The following SHANK2 variants were observed in gnomAD, a reference collection of about 807,000 sequenced individuals.
SHANK2 encodes the protein SH3 and multiple ankyrin repeat domains 2, also known as SH3 and multiple ankyrin repeat domains protein 2.
Under a neutral mutation model 133.7 loss-of-function variants are expected in SHANK2, and 43 were observed. That is an observed-to-expected ratio of 0.32 (90% CI 0.25 to 0.41). SHANK2 has a LOEUF of 0.41. Among genes scored for constraint, SHANK2 ranks in the 10% least tolerant of loss-of-function variants. The probability of loss-of-function intolerance (pLI) is 1.00; values close to 1 mark genes in which losing one functional copy is unlikely to be tolerated. For synonymous variants in SHANK2, 1,017 were observed against 952.8 expected, an observed-to-expected ratio of 1.07 and a Z score of -1.24; for missense variants, 1,994 against 2,235.8, an observed-to-expected ratio of 0.89 and a Z score of 2.18.
At chr11:71,222,875 C>T (rs1399645373) in intron 2 of SHANK2, among the ~76,000 whole-genome samples, 1 of 152,234 alleles carries the variant, frequency 6.6e-6, no homozygotes, top group Non-Finnish European at 1.5e-5. Context: ...AGTGCTTCTG[C>T]ACAAGGGACA....
At position 70,633,182 on chromosome 11, in the gene SHANK2, C is replaced by T. The variant is rs139420583; in HGVS notation, c.2061+26646G>A. ...ACATATTTATACATATATTCATATACGTAACATAAATGTTATATTTTTATA... is the reference window on the plus strand; with the variant it reads ...ACATATTTATACATATATTCATATATGTAACATAAATGTTATATTTTTATA... On this transcript the variant is annotated intron_variant, in intron 17 of 25. Coordinates refer to ENST00000601538, the MANE Select transcript of SHANK2 (RefSeq NM_012309.5). Among the ~76,000 whole-genome samples the T allele has an allele frequency of 1.6e-4, 24 of 147,892 alleles. No homozygotes were observed. In the East Asian group the frequency reaches 4.1e-3, roughly 25 times the overall value.
At chr11:71,187,893 C>T (rs189936290) in intron 2 of SHANK2, among the ~76,000 whole-genome samples, 92 of 152,324 alleles carry the variant, frequency 6.0e-4, no homozygotes, top group African/African-American at 1.9e-3. Context: ...CCTCCCACAA[C>T]GCAACGTGCT....
At chr11:71,233,230 C>A (rs1371939343) in intron 1 of SHANK2, among the ~76,000 whole-genome samples, 1 of 152,080 alleles carries the variant, frequency 6.6e-6, no homozygotes, top group East Asian at 1.9e-4. Flanking sequence ...CATCCCTAAG[C>A]TGAGGAATGC....
chr11:70,829,338 T>C (rs1490565814), intron 11 of SHANK2, among the ~76,000 whole-genome samples: 1 of 152,090 alleles, frequency 6.6e-6, no homozygotes, highest in Non-Finnish European at 1.5e-5. Flanking sequence ...CACCGTCCGG[T>C]GCGTGTGCAG....
intron 10 of SHANK2, among the ~76,000 whole-genome samples, chr11:70,925,969 T>C (rs1950421952): frequency 6.6e-6 from 1 of 152,180 alleles, no homozygotes; most frequent in South Asian, 2.1e-4. Flanking sequence ...TTATACATAT[T>C]GTTGACTCAT....
chr11:70,703,271 T>C (rs116131737), intron 14 of SHANK2, among the ~76,000 whole-genome samples: 5 of 152,248 alleles, frequency 3.3e-5, no homozygotes, highest in African/African-American at 1.2e-4. Context: ...TTTGAGTGAG[T>C]CACCCAGCCA....
intron 11 of SHANK2, among the ~76,000 whole-genome samples, chr11:70,843,371 G>T (rs1555062294): frequency 6.6e-6 from 1 of 151,816 alleles, no homozygotes; most frequent in South Asian, 2.1e-4. Context: ...AGGAAGGGAA[G>T]CAAGTCTTGG....
intron 12 of SHANK2, among the ~76,000 whole-genome samples, chr11:70,815,581 C>CT (rs1948376231): frequency 6.6e-6 from 1 of 152,216 alleles, no homozygotes; most frequent in East Asian, 1.9e-4. Context: ...CGGTGAGCTC[C>CT]TTGGGGCGCT....
intron 14 of SHANK2, among the ~76,000 whole-genome samples, chr11:70,764,478 C>G (rs1469174675): frequency 6.7e-6 from 1 of 149,354 alleles, no homozygotes; most frequent in Non-Finnish European, 1.5e-5. Flanking sequence ...ACACATCAAT[C>G]GATCCTTTAT....
At chr11:70,502,742 C>CA in intron 18 of SHANK2, 54 bp downstream of exon 18, 1 of 434,398 alleles carries the variant, frequency 2.3e-6, no homozygotes, top group South Asian at 2.4e-5. Flanking sequence ...CCCGCCCCCA[C>CA]CCCCCCCCCC....
intron 17 of SHANK2, among the ~76,000 whole-genome samples, chr11:70,602,824 A>G (rs535285663): frequency 5.9e-5 from 9 of 152,366 alleles, no homozygotes; most frequent in Admixed American, 1.3e-4. Context: ...AAACAAATAC[A>G]TGCATGATGT....
intron 17 of SHANK2, among the ~76,000 whole-genome samples, chr11:70,506,588 C>T (rs2059140088): frequency 6.6e-6 from 1 of 152,224 alleles, no homozygotes; most frequent in Non-Finnish European, 1.5e-5. Context: ...CAGAATCTGT[C>T]TCGCCCAGGT....
At chr11:71,181,705 C>T (rs1466468442) in intron 2 of SHANK2, among the ~76,000 whole-genome samples, 3 of 152,096 alleles carry the variant, frequency 2.0e-5, no homozygotes, top group Admixed American at 6.5e-5. Flanking sequence ...CGTGACACCG[C>T]ATGCATAACG....
intron 17 of SHANK2, among the ~76,000 whole-genome samples, chr11:70,559,493 T>C (rs2059879167): frequency 6.6e-6 from 1 of 152,250 alleles, no homozygotes; most frequent in East Asian, 1.9e-4. Flanking sequence ...CGGGAGATCA[T>C]TCCCTAGCAG....
At chr11:70,922,410 A>T (rs558307808) in intron 10 of SHANK2, among the ~76,000 whole-genome samples, 2 of 152,348 alleles carry the variant, frequency 1.3e-5, no homozygotes, top group Middle Eastern at 3.4e-3. Context: ...AGCTCTATAA[A>T]TCTCAAATGA....
chr11:70,850,344 G>A (rs1284014440), intron 11 of SHANK2, among the ~76,000 whole-genome samples: 1 of 152,120 alleles, frequency 6.6e-6, no homozygotes, highest in Admixed American at 6.5e-5. Context: ...TATACCTCCT[G>A]CCCCCAAGGC....
chr11:70,795,465 G>A (rs1947890879), intron 14 of SHANK2, among the ~76,000 whole-genome samples: 1 of 148,912 alleles, frequency 6.7e-6, no homozygotes, highest in South Asian at 2.1e-4. Context: ...GAGTGCAGTG[G>A]TGCAATCTCA....
chr11:70,708,209 AGTCT>A (rs782587671), intron 14 of SHANK2, among the ~76,000 whole-genome samples: 1 of 148,542 alleles, frequency 6.7e-6, no homozygotes, highest in African/African-American at 2.5e-5. Flanking sequence ...GCCATCTTTC[AGTCT>A]GTCTGTCAAG....
chr11:70,530,717 G>A (rs2059456698), intron 17 of SHANK2, among the ~76,000 whole-genome samples: 1 of 152,160 alleles, frequency 6.6e-6, no homozygotes, highest in Non-Finnish European at 1.5e-5. Context: ...AACAGTGGGT[G>A]CCCGGGGCTG....
Sources: allele counts gnomAD v4.1 joint callset (sites outside exome capture counted in the v4.1 genomes callset), GRCh38; gene constraint gnomAD v4.1.1; transcripts MANE v1.5; gene names NCBI Gene and HGNC (gene_info 2026-07-23, HGNC 2026-07-21).